Variants in KATNIP observed in about 807,000 individuals in gnomAD.
KATNIP encodes the protein katanin interacting protein, also known as katanin-interacting protein.
A neutral mutation model predicts 174.0 loss-of-function variants in KATNIP; 126 were observed. The ratio of observed to expected loss-of-function variants is 0.72; its 90% confidence interval spans 0.63 to 0.84. The LOEUF is 0.84. Among genes scored for constraint, KATNIP ranks in the 40% least tolerant of loss-of-function variants. The pLI is 0.00. For missense variants in KATNIP, 1,958 were observed against 2,109.7 expected, an observed-to-expected ratio of 0.93 and a Z score of 1.41; for synonymous variants, 810 against 835.7, an observed-to-expected ratio of 0.97 and a Z score of 0.53.
Position 27,553,553 on chromosome 16 carries a change from G to A in KATNIP, c.7+3376G>A, listed in dbSNP as rs115776651. Among the ~76,000 whole-genome samples, 1,015 of 152,238 alleles carry A rather than the reference G, an allele frequency of 6.7e-3. 15 individuals carry two copies. Among genetic ancestry groups the A allele is most frequent in the African/African-American group, 0.023 (973 of 41,532 alleles). ...CTGATGGTTGGGTTCAGTGGCTCAC[G>A]CCTATAGTCCCACCGCTTTGGGAGG... is the stretch of plus-strand genomic sequence containing the variant. On this transcript the variant is annotated intron_variant, in intron 1 of 27. Transcript: ENST00000261588.
At chr16:27,735,078 G>T (rs1345157118) in intron 14 of KATNIP, among the ~76,000 whole-genome samples, 2 of 152,250 alleles carry the variant, frequency 1.3e-5, no homozygotes, top group Non-Finnish European at 2.9e-5. Context: ...GCCCATGAAT[G>T]TGGCTTGTTT....
intron 6 of KATNIP, among the ~76,000 whole-genome samples, chr16:27,655,838 G>T (rs1035098489): frequency 6.6e-6 from 1 of 152,108 alleles, no homozygotes; most frequent in Non-Finnish European, 1.5e-5. Flanking sequence ...AGTCACAGGC[G>T]GGGAATATTG....
intron 6 of KATNIP, among the ~76,000 whole-genome samples, chr16:27,659,113 A>T (rs2077386725): frequency 6.6e-6 from 1 of 152,186 alleles, no homozygotes; most frequent in South Asian, 2.1e-4. Flanking sequence ...TATCAAAAAA[A>T]GACTGAATTA....
In KATNIP at chr16:27,749,710, C is replaced by T. The variant is rs765836548; in HGVS notation, c.2750C>T (p.Thr917Met). The T allele has an allele frequency of 4.3e-6, 7 of 1,613,554 alleles. No individual in the cohort carries two copies. The South Asian group carries it at 4.4e-5, about 10-fold the overall frequency. The part of the protein sequence containing the change: ...DRSHRGRISN[T>M]ELPGDILDEL... ...TCCCACCGGGGACGCATCTCCAACA[C>T]GGAGCTCCCGGGGGACATCCTGGAT... Residue 917 changes from threonine (T) to methionine (M), a missense_variant, in exon 16 of 28, where the codon ACG becomes ATG. This residue lies in a region of KATNIP where 1,557 missense variants were observed against 1,617.8 expected (regional missense o/e 0.96). Transcript: ENST00000261588.
Position 27,575,324 on chromosome 16 carries a change from G to A in KATNIP, c.63+1368G>A, listed in dbSNP as rs138564519. Among the ~76,000 whole-genome samples the A allele has an allele frequency of 2.7e-4, 41 of 152,324 alleles. No homozygotes were observed. In the East Asian group the frequency reaches 7.3e-3, roughly 27 times the overall value. ...GAATAAGGAAGGTTGCAAGATCATG[G>A]TGCCTAAAGCAAGTGGGAAGTGGTA... On this transcript the variant is annotated intron_variant, in intron 2 of 27. Coordinates refer to ENST00000261588, the MANE Select transcript of KATNIP (RefSeq NM_015202.5).
rs115591692 is a variant in KATNIP, at chr16:27,695,320, C to T, written c.941-3008C>T. Among the ~76,000 whole-genome samples the T allele has an allele frequency of 7.3e-3, 1,117 of 152,332 alleles. 21 individuals are homozygous for T. The highest frequency in any genetic ancestry group is 0.026 in the African/African-American group (1,065 of 41,572). ...ATGGGCCCTACAGTGCCCTGCAAGG[C>T]CCTGCATGACCTGCGCTCCCCCAAT... On this transcript the variant is annotated intron_variant, in intron 8 of 27. Coordinates refer to ENST00000261588, the MANE Select transcript of KATNIP (RefSeq NM_015202.5).
intron 6 of KATNIP, among the ~76,000 whole-genome samples, chr16:27,677,134 C>A (rs2078147895): frequency 6.6e-6 from 1 of 152,174 alleles, no homozygotes. Flanking sequence ...TGAAAAAAAT[C>A]TTGAAGCAGT....
intron 3 of KATNIP, 113 bp downstream of exon 3, chr16:27,618,614 C>A: frequency 1.4e-6 from 1 of 704,750 alleles, no homozygotes; most frequent in Non-Finnish European, 2.5e-6. Flanking sequence ...CAGAGTCCCC[C>A]TCCACTCAGA....
chr16:27,703,286 T>C (rs1482250294), intron 11 of KATNIP, among the ~76,000 whole-genome samples: 1 of 152,196 alleles, frequency 6.6e-6, no homozygotes, highest in African/African-American at 2.4e-5. Context: ...ATCGAGATCC[T>C]TTGTGCTTCA....
Position 27,769,948 on chromosome 16 carries a change from T to G in KATNIP, c.4063T>G (p.Phe1355Val). The G allele has an allele frequency of 3.1e-6, 5 of 1,614,228 alleles. No homozygotes were observed. The highest frequency in any genetic ancestry group is 4.2e-6 in the Non-Finnish European group (5 of 1,180,026). The change falls in exon 21 of 28, where the codon TTT becomes GTT. Residue 1355 changes from phenylalanine to valine, a missense_variant. Around this residue, in one of 3 missense-constraint regions of KATNIP, gnomAD observed 383 missense variants for 456.0 expected, o/e 0.84. Coordinates refer to ENST00000261588, the MANE Select transcript of KATNIP (RefSeq NM_015202.5). ...CCGGAAGGGGCCAGGCAACTGCCAC[T>G]TTGATTTTGCTCAAGAAATCCTCTT... ...LIRKGPGNCH[F>V]DFAQEILFVD...
chr16:27,638,038 A>T (rs1171170129), intron 5 of KATNIP, among the ~76,000 whole-genome samples: 1 of 152,142 alleles, frequency 6.6e-6, no homozygotes, highest in Non-Finnish European at 1.5e-5. Flanking sequence ...CCTTCTCCAC[A>T]CACGGTTTTA....
intron 2 of KATNIP, among the ~76,000 whole-genome samples, chr16:27,575,006 G>T (rs957978474): frequency 5.9e-5 from 9 of 152,186 alleles, no homozygotes; most frequent in Admixed American, 5.9e-4. Context: ...CCTACTCTGT[G>T]CCAGGCACCA....
chr16:27,775,200 A>G, intron 24 of KATNIP, 116 bp downstream of exon 24: 1 of 1,273,096 alleles, frequency 7.9e-7, no homozygotes, highest in East Asian at 2.5e-5. Flanking sequence ...TCAAGCCAAG[A>G]TGCTTGGGAG....
At chr16:27,597,533 T>C (rs951464737) in intron 2 of KATNIP, among the ~76,000 whole-genome samples, 3 of 152,038 alleles carry the variant, frequency 2.0e-5, no homozygotes, top group African/African-American at 7.2e-5. Flanking sequence ...GATCTGTGCT[T>C]GATGTTATCT....
intron 2 of KATNIP, among the ~76,000 whole-genome samples, chr16:27,582,266 T>A (rs2097692): frequency 0.83 from 125,603 of 151,866 alleles, 52,182 homozygotes; most frequent in East Asian, 1. Context: ...TGCTTTGTTT[T>A]AAAAAAAGTT....
chr16:27,617,390 C>A (rs143149928), intron 2 of KATNIP, among the ~76,000 whole-genome samples: 1 of 152,268 alleles, frequency 6.6e-6, no homozygotes, highest in Non-Finnish European at 1.5e-5. Context: ...AGCTCTTTTT[C>A]CAAGGGTATC....
intron 8 of KATNIP, among the ~76,000 whole-genome samples, chr16:27,694,081 G>A (rs1452450315): frequency 6.6e-6 from 1 of 152,088 alleles, no homozygotes; most frequent in African/African-American, 2.4e-5. Flanking sequence ...TGGGTGCCTG[G>A]CAGAACTTGC....
intron 6 of KATNIP, among the ~76,000 whole-genome samples, chr16:27,676,104 T>G (rs1881828235): frequency 6.6e-6 from 1 of 152,200 alleles, no homozygotes; most frequent in South Asian, 2.1e-4. Flanking sequence ...CCCTTTTCCT[T>G]AACAATTCTT....
chr16:27,759,540 T>C (rs1205060295), intron 18 of KATNIP, among the ~76,000 whole-genome samples: 1 of 152,226 alleles, frequency 6.6e-6, no homozygotes, highest in African/African-American at 2.4e-5. Flanking sequence ...GTGAGCCAGC[T>C]TGGTTGGCCT....
Sources: gnomAD v4.1 joint callset for allele counts (sites outside exome capture counted in the v4.1 genomes callset) on GRCh38, gnomAD v4.1.1 for gene constraint, gnomAD v4.1.1 regional missense constraint, MANE v1.5 for transcripts, NCBI Gene and HGNC (gene_info 2026-07-23, HGNC 2026-07-21) for gene names.